The following EXOC6 variants were observed in gnomAD, a reference collection of about 807,000 sequenced individuals.
EXOC6 encodes the protein SEC15-like 1.
A neutral mutation model predicts 112.5 loss-of-function variants in EXOC6; 60 were observed. That is an observed-to-expected ratio of 0.53 (90% CI 0.43 to 0.66). EXOC6 has a LOEUF of 0.66. Ranked by LOEUF, EXOC6 falls within the 30% of genes least tolerant of loss-of-function variation. The pLI is 0.00. For synonymous variants in EXOC6, 295 were observed against 308.0 expected (o/e 0.96, Z 0.44); for missense variants, 855 against 957.1 (o/e 0.89, Z 1.41).
intron 18 of EXOC6, among the ~76,000 whole-genome samples, chr10:92,977,651 G>C (rs1170682611): frequency 6.6e-6 from 1 of 151,776 alleles, no homozygotes; most frequent in Non-Finnish European, 1.5e-5. Flanking sequence ...CAGTCCTCAA[G>C]AACAAACACA....
At chr10:92,971,093 C>T (rs1397189368) in intron 17 of EXOC6, among the ~76,000 whole-genome samples, 1 of 152,098 alleles carries the variant, frequency 6.6e-6, no homozygotes, top group African/African-American at 2.4e-5. Flanking sequence ...GCTCTGTTGC[C>T]CAGGCTGGAG....
chr10:92,878,291 G>T (rs1848775213), intron 1 of EXOC6: 1 of 152,156 alleles, frequency 6.6e-6, no homozygotes, highest in African/African-American at 2.4e-5. Context: ...TCTTTGGCGA[G>T]AAAGGTCCCT....
chr10:92,943,539 A>T (rs1161213038), intron 13 of EXOC6, among the ~76,000 whole-genome samples: 4 of 152,152 alleles, frequency 2.6e-5, no homozygotes, highest in Admixed American at 1.3e-4. Flanking sequence ...TCACTATATT[A>T]TGAGCCCTGT....
chr10:92,992,229 C>T (rs932581706), intron 18 of EXOC6, among the ~76,000 whole-genome samples: 24 of 129,030 alleles, frequency 1.9e-4, no homozygotes, highest in Admixed American at 3.0e-4. Flanking sequence ...GTGGAGGTTG[C>T]GTGAGCCGAG....
At chr10:92,860,332 C>T (rs964718976) in intron 1 of EXOC6, among the ~76,000 whole-genome samples, 21 of 133,076 alleles carry the variant, frequency 1.6e-4, no homozygotes, top group South Asian at 4.9e-4. Flanking sequence ...AGTGCAGTGG[C>T]GTGATCTCGC....
chr10:92,974,613 C>G (rs566466652), intron 18 of EXOC6, among the ~76,000 whole-genome samples: 1 of 151,668 alleles, frequency 6.6e-6, no homozygotes, highest in Non-Finnish European at 1.5e-5. Context: ...CCTCTGATGC[C>G]GAGCCGAAGC....
At position 93,014,191 on chromosome 10, in the gene EXOC6, T is replaced by C; in HGVS notation, c.2096-3T>C. 1.9e-6 allele frequency: 3 copies of C among 1,610,188 alleles called. No individual in the cohort carries two copies. The highest frequency in any genetic ancestry group is 2.5e-6 in the Non-Finnish European group (3 of 1,177,290). The stretch of plus-strand genomic sequence containing the variant: ...TATTCTTTTTTTTTCTTTCTTTTAA[T>C]AGTGTTTGCCAGCTCTGAGCCTGTG... On this transcript the variant is annotated splice_region_variant and splice_polypyrimidine_tract_variant and intron_variant, in intron 19 of 21. Transcript: ENST00000260762.
chr10:92,911,925 CTCTCTCTG>C (rs1241252241), intron 6 of EXOC6, among the ~76,000 whole-genome samples: 3 of 126,776 alleles, frequency 2.4e-5, no homozygotes, highest in East Asian at 2.6e-4. Context: ...CTCTCTCTCT[CTCTCTCTG>C]TGTGCGTGTG....
At chr10:92,899,496 T>A in intron 4 of EXOC6, 103 bp from the exon 5 acceptor site, 1 of 721,646 alleles carries the variant, frequency 1.4e-6, no homozygotes, top group Non-Finnish European at 2.3e-6. Context: ...GTTGTAGAAG[T>A]CTAATGAATT....
chr10:92,906,301 G>A (rs370388290), intron 5 of EXOC6, among the ~76,000 whole-genome samples: 9 of 151,838 alleles, frequency 5.9e-5, no homozygotes, highest in African/African-American at 1.7e-4. Context: ...TAAAAATTTC[G>A]TACTTTTTCA....
upstream of EXOC6, chr10:92,848,470 T>A (rs1236913962): frequency 2.3e-6 from 2 of 875,478 alleles, no homozygotes; most frequent in Non-Finnish European, 2.9e-6. Context: ...CTCGCGCCAC[T>A]TGGAGCTCGC....
chr10:92,851,529 A>T (rs1200924726), intron 1 of EXOC6, among the ~76,000 whole-genome samples: 1 of 152,108 alleles, frequency 6.6e-6, no homozygotes, highest in Non-Finnish European at 1.5e-5. Context: ...ACACGCTTGT[A>T]ATCCCAGCTG....
At chr10:92,903,647 T>A (rs1006262477) in intron 5 of EXOC6, among the ~76,000 whole-genome samples, 6 of 152,174 alleles carry the variant, frequency 3.9e-5, no homozygotes, top group African/African-American at 1.2e-4. Context: ...TTTAATAGAT[T>A]TTATTTTTTA....
At chr10:92,991,261 C>A (rs2134156354) in intron 18 of EXOC6, among the ~76,000 whole-genome samples, 1 of 151,648 alleles carries the variant, frequency 6.6e-6, no homozygotes, top group Middle Eastern at 3.4e-3. Flanking sequence ...TATGGTGACA[C>A]CCCGTCTCTA....
At chr10:92,891,704 A>G (rs1191174841) in intron 1 of EXOC6, among the ~76,000 whole-genome samples, 2 of 152,150 alleles carry the variant, frequency 1.3e-5, no homozygotes, top group African/African-American at 2.4e-5. Context: ...CTAGTCTCAA[A>G]CTCCTGACCT....
chr10:92,836,551 C>G (rs767333807), intron 1 of EXOC6, among the ~76,000 whole-genome samples: 7 of 152,196 alleles, frequency 4.6e-5, no homozygotes, highest in South Asian at 2.1e-4. Flanking sequence ...GGTGAGAACA[C>G]TCCTTTCCAA....
chr10:92,976,185 C>T (rs1161862289), intron 18 of EXOC6, among the ~76,000 whole-genome samples: 2 of 152,014 alleles, frequency 1.3e-5, no homozygotes, highest in East Asian at 1.9e-4. Flanking sequence ...CCCAACAGCT[C>T]ATTGAGAACG....
chr10:92,997,395 G>A (rs990610249), intron 18 of EXOC6, 79 bp from the exon 19 acceptor site: 6 of 1,343,760 alleles, frequency 4.5e-6, no homozygotes, highest in African/African-American at 2.9e-5. Context: ...AATGCCAGGT[G>A]TATGATTTTT....
chr10:93,038,860 A>G (rs1845637322), intron 20 of EXOC6, among the ~76,000 whole-genome samples: 1 of 152,222 alleles, frequency 6.6e-6, no homozygotes, highest in South Asian at 2.1e-4. Flanking sequence ...TACAAAGGAA[A>G]AGTAAGTATA....
Sources: gnomAD v4.1 joint callset for allele counts (sites outside exome capture counted in the v4.1 genomes callset) on GRCh38, gnomAD v4.1.1 for gene constraint, MANE v1.5 for transcripts, NCBI Gene and HGNC (gene_info 2026-07-23, HGNC 2026-07-21) for gene names.